The following TNKS variants were observed in gnomAD, a reference collection of about 807,000 sequenced individuals.
The protein encoded by TNKS is tankyrase.
In TNKS, 72 loss-of-function variants were observed where a neutral mutation model predicts 135.8. That is an observed-to-expected ratio of 0.53 (90% CI 0.44 to 0.64). The LOEUF (loss-of-function observed/expected upper bound fraction) is 0.64. Among genes scored for constraint, TNKS ranks in the 30% least tolerant of loss-of-function variants. TNKS has a pLI of 0.00. For synonymous variants in TNKS, 849 were observed against 649.3 expected, an observed-to-expected ratio of 1.31 and a Z score of -4.68; for missense variants, 1,769 against 1,674.0, an observed-to-expected ratio of 1.06 and a Z score of -0.99.
chr8:9,772,064 A>G (rs1481640811), intron 26 of TNKS, among the ~76,000 whole-genome samples: 1 of 104,898 alleles, frequency 9.5e-6, no homozygotes, highest in South Asian at 3.4e-4. Flanking sequence ...GGAGGGATGG[A>G]GGGGGAGAGA....
intron 3 of TNKS, among the ~76,000 whole-genome samples, chr8:9,630,177 A>T (rs1345938301): frequency 6.6e-6 from 1 of 152,150 alleles, no homozygotes. Context: ...CCTGACTTTC[A>T]GTACTGGCTT....
intron 26 of TNKS, among the ~76,000 whole-genome samples, chr8:9,774,678 T>C (rs755020010): frequency 4.6e-5 from 7 of 152,142 alleles, no homozygotes; most frequent in Non-Finnish European, 1.0e-4. Flanking sequence ...TTCAGTAGCC[T>C]AATCATTAGG....
chr8:9,570,277 C>G (rs182085105), intron 1 of TNKS, among the ~76,000 whole-genome samples: 50 of 152,016 alleles, frequency 3.3e-4, no homozygotes, highest in Admixed American at 2.7e-3. Flanking sequence ...CCTGTCTCTA[C>G]AAAAAAATTT....
At chr8:9,686,525 A>G (rs10109453) in intron 5 of TNKS, among the ~76,000 whole-genome samples, 4,636 of 152,266 alleles carry the variant, frequency 0.03, 172 homozygotes, top group African/African-American at 0.091. Context: ...CTCAATGCTT[A>G]TTATCTATTG....
intron 3 of TNKS, among the ~76,000 whole-genome samples, chr8:9,662,985 G>C (rs1194962871): frequency 1.3e-5 from 2 of 152,150 alleles, no homozygotes; most frequent in East Asian, 3.9e-4. Flanking sequence ...GATTATCTTG[G>C]GTTATCTGGA....
At chr8:9,740,766 T>C (rs992132505) in intron 17 of TNKS, 7 of 151,762 alleles carry the variant, frequency 4.6e-5, no homozygotes, top group Non-Finnish European at 7.4e-5. Context: ...TACCAAAGAC[T>C]TAGCATGCTA....
chr8:9,716,752 G>T (rs1361620493), intron 11 of TNKS, among the ~76,000 whole-genome samples: 2 of 151,598 alleles, frequency 1.3e-5, no homozygotes, highest in African/African-American at 4.8e-5. Flanking sequence ...TTCTCTGCCA[G>T]TGTTTGTTCA....
chr8:9,647,835 T>G (rs1800973630), intron 3 of TNKS, among the ~76,000 whole-genome samples: 1 of 152,194 alleles, frequency 6.6e-6, no homozygotes, highest in Non-Finnish European at 1.5e-5. Flanking sequence ...TGTCATTGTG[T>G]GAACATCATA....
At chr8:9,591,032 G>A (rs1176078143) in intron 2 of TNKS, among the ~76,000 whole-genome samples, 1 of 152,222 alleles carries the variant, frequency 6.6e-6, no homozygotes, top group Non-Finnish European at 1.5e-5. Flanking sequence ...AGTTGTAACT[G>A]AAATGTATTT....
chr8:9,610,979 A>G (rs931253519), intron 2 of TNKS, among the ~76,000 whole-genome samples: 2 of 152,224 alleles, frequency 1.3e-5, no homozygotes, highest in African/African-American at 4.8e-5. Context: ...ATGAAATGAA[A>G]CAACATAGCT....
At chr8:9,773,813 G>A (rs1808080112) in intron 26 of TNKS, among the ~76,000 whole-genome samples, 1 of 151,964 alleles carries the variant, frequency 6.6e-6, no homozygotes, top group Non-Finnish European at 1.5e-5. Flanking sequence ...AGGTATACTT[G>A]TACACATGGA....
chr8:9,623,068 C>G (rs2128768318), intron 3 of TNKS, among the ~76,000 whole-genome samples: 1 of 152,278 alleles, frequency 6.6e-6, no homozygotes, highest in Non-Finnish European at 1.5e-5. Context: ...CTCTCTGTGT[C>G]TCACAATATC....
At chr8:9,720,328 C>G (rs932887744) in intron 11 of TNKS, 46 bp from the exon 12 acceptor site, 1 of 1,485,472 alleles carries the variant, frequency 6.7e-7, no homozygotes, top group Non-Finnish European at 9.0e-7. Flanking sequence ...TAAAAGGAAA[C>G]TAAACAAGAT....
chr8:9,781,439 A>G lies in TNKS; in HGVS notation c.*4703A>G, dbSNP rs1208250596. The G allele has an allele frequency of 6.6e-6, 1 of 152,236 alleles. No homozygotes were observed. The highest frequency in any genetic ancestry group is 2.4e-5 in the African/African-American group (1 of 41,462). The allele number at this position is 152,236 out of a possible 1,614,324, so 9.4% of individuals were successfully genotyped here. A position where few individuals can be genotyped will look rare whatever the true frequency, so the allele number is the denominator to read the frequency against. Reference sequence around the variant, plus strand: ...CTCCCAAAGTTCAGGATGAAAGGCTAGAAAACCCATTCAAAGTTAGGAAAG... The same window carrying G: ...CTCCCAAAGTTCAGGATGAAAGGCTGGAAAACCCATTCAAAGTTAGGAAAG... On this transcript the variant is annotated 3_prime_UTR_variant, in exon 27 of 27. Transcript: ENST00000310430.
At chr8:9,590,509 C>T (rs1798550641) in intron 2 of TNKS, among the ~76,000 whole-genome samples, 1 of 152,150 alleles carries the variant, frequency 6.6e-6, no homozygotes, top group African/African-American at 2.4e-5. Flanking sequence ...CATCTGTGTA[C>T]TCTTCCCAAC....
chr8:9,674,757 T>TCAAG (rs1554467053), intron 3 of TNKS, among the ~76,000 whole-genome samples: 1 of 152,142 alleles, frequency 6.6e-6, no homozygotes, highest in East Asian at 1.9e-4. Context: ...GTTTAAAAGG[T>TCAAG]CAAGGTTCCA....
At chr8:9,569,152 G>T (rs572481364) in intron 1 of TNKS, among the ~76,000 whole-genome samples, 2 of 152,304 alleles carry the variant, frequency 1.3e-5, no homozygotes, top group Middle Eastern at 3.4e-3. Flanking sequence ...TTCCTTGAAA[G>T]CTCAGATTTT....
intron 3 of TNKS, among the ~76,000 whole-genome samples, chr8:9,626,727 C>T (rs1479916212): frequency 6.6e-6 from 1 of 152,152 alleles, no homozygotes. Context: ...TCTAGGTTCC[C>T]TATCTGGTCA....
chr8:9,659,745 C>T (rs1801603039), intron 3 of TNKS, among the ~76,000 whole-genome samples: 1 of 152,108 alleles, frequency 6.6e-6, no homozygotes, highest in African/African-American at 2.4e-5. Flanking sequence ...CAGAGCAGAA[C>T]TGAAGGAGAT....
Sources: allele counts gnomAD v4.1 joint callset (sites outside exome capture counted in the v4.1 genomes callset), GRCh38; gene constraint gnomAD v4.1.1; transcripts MANE v1.5; gene names NCBI Gene and HGNC (gene_info 2026-07-23, HGNC 2026-07-21).